OSBPL10: variants seen among roughly 807,000 people sequenced by gnomAD.
OSBPL10 encodes the protein oxysterol-binding protein-related protein 10.
In OSBPL10, 49 loss-of-function variants were observed where a neutral mutation model predicts 81.7. The observed-to-expected ratio is 0.60, with a 90% CI of 0.48 to 0.76. The LOEUF is 0.76. OSBPL10 is among the 30% of genes least tolerant of loss of function. The probability of loss-of-function intolerance (pLI) is 0.00; values close to 1 mark genes in which losing one functional copy is unlikely to be tolerated. For missense variants in OSBPL10, 923 were observed against 987.8 expected (o/e 0.93, Z 0.88); for synonymous variants, 419 against 383.6 (o/e 1.09, Z -1.08).
At chr3:31,932,290 C>T (rs1199116218) in intron 1 of OSBPL10, among the ~76,000 whole-genome samples, 5 of 152,176 alleles carry the variant, frequency 3.3e-5, no homozygotes, top group Admixed American at 2.0e-4. Context: ...CCACCCGCAT[C>T]TCCCAGTTTC....
rs190420030 is a variant in OSBPL10 at position 31,833,490 on chromosome 3, G to T, written c.538-3259C>A. Among the ~76,000 whole-genome samples, 256 of 152,252 alleles carry T rather than the reference G, an allele frequency of 1.7e-3. 1 individual carries two copies. Among genetic ancestry groups the T allele is most frequent in the African/African-American group, 6.0e-3 (249 of 41,548 alleles). Reference sequence around the variant, plus strand: ...TGCAGAAGCTGCATGGACAAAGTTTGTTTCTTAATATCACTGAAAACTTGA... The same window carrying T: ...TGCAGAAGCTGCATGGACAAAGTTTTTTTCTTAATATCACTGAAAACTTGA... On this transcript the variant is annotated intron_variant, in intron 3 of 11. Transcript: ENST00000396556.
At chr3:32,018,973 A>C (rs1699338738) in intron 2 of OSBPL10, among the ~76,000 whole-genome samples, 1 of 152,196 alleles carries the variant, frequency 6.6e-6, no homozygotes, top group Non-Finnish European at 1.5e-5. Flanking sequence ...GAAATGAGAA[A>C]AATGAAGAGG....
At chr3:31,665,918 A>G (rs1016090661) in intron 10 of OSBPL10, among the ~76,000 whole-genome samples, 1 of 152,306 alleles carries the variant, frequency 6.6e-6, no homozygotes, top group Non-Finnish European at 1.5e-5. Context: ...GCCCAAAACC[A>G]GAGACAGGGT....
At chr3:32,025,374 A>G (rs1699394017) in intron 2 of OSBPL10, among the ~76,000 whole-genome samples, 1 of 152,182 alleles carries the variant, frequency 6.6e-6, no homozygotes, top group African/African-American at 2.4e-5. Context: ...GTCATGGTAT[A>G]TGATCCTTTT....
At position 31,830,030 on chromosome 3, in the gene OSBPL10, C is replaced by T. The variant is rs200593585; in HGVS notation, c.729+10G>A. 6.2e-7 allele frequency: 1 copy of T among 1,608,532 alleles called. No homozygotes were observed. The highest frequency in any genetic ancestry group is 8.5e-7 in the Non-Finnish European group (1 of 1,177,930). On this transcript the variant is annotated intron_variant, in intron 4 of 11. Transcript: ENST00000396556. ...GGGGCTGCTTAACCTAGTAGGAGAG[C>T]AAAGCCTACCTCTCTGACTTCGTGA... is the stretch of plus-strand genomic sequence containing the variant.
intron 4 of OSBPL10, chr3:31,796,104 A>G (rs1326381349): frequency 5.8e-6 from 1 of 171,114 alleles, no homozygotes; most frequent in Non-Finnish European, 1.3e-5. Context: ...CAGTGCAAGG[A>G]ATGTGGTAAA....
At chr3:31,781,206 C>CA (rs1437947773) in intron 4 of OSBPL10, among the ~76,000 whole-genome samples, 2 of 152,064 alleles carry the variant, frequency 1.3e-5, no homozygotes, top group Non-Finnish European at 2.9e-5. Context: ...GAATTAAAAA[C>CA]AAAAATCACA....
chr3:32,076,577 A>G (rs751528744), intron 1 of OSBPL10, among the ~76,000 whole-genome samples: 27 of 151,988 alleles, frequency 1.8e-4, no homozygotes, highest in Non-Finnish European at 1.9e-4. Flanking sequence ...TAACTGTCCA[A>G]TGGGTTCATC....
chr3:32,073,166 T>G (rs894318071), intron 1 of OSBPL10, among the ~76,000 whole-genome samples: 2 of 152,174 alleles, frequency 1.3e-5, no homozygotes, highest in Non-Finnish European at 2.9e-5. Context: ...AACTTTTATA[T>G]GGATGCACTT....
At chr3:31,773,133 T>G (rs1344330482) in intron 4 of OSBPL10, among the ~76,000 whole-genome samples, 3 of 152,096 alleles carry the variant, frequency 2.0e-5, no homozygotes, top group African/African-American at 7.2e-5. Flanking sequence ...TTTCCCAAAG[T>G]TTCATATGCA....
intron 4 of OSBPL10, among the ~76,000 whole-genome samples, chr3:31,769,425 A>G (rs1324313088): frequency 7.1e-6 from 1 of 140,786 alleles, no homozygotes; most frequent in East Asian, 2.1e-4. Flanking sequence ...AGCCTGGGCA[A>G]CAAGAGCAAA....
intron 4 of OSBPL10, among the ~76,000 whole-genome samples, chr3:31,781,159 A>T (rs1308571966): frequency 6.6e-6 from 1 of 152,254 alleles, no homozygotes; most frequent in African/African-American, 2.4e-5. Flanking sequence ...ATGGTTTAAC[A>T]TATTTAAGTC....
At chr3:31,960,180 G>A (rs968981894) in intron 1 of OSBPL10, 1 of 152,122 alleles carries the variant, frequency 6.6e-6, no homozygotes, top group African/African-American at 2.4e-5. Context: ...CTCACAGTCT[G>A]GGAATCTGGC....
intron 4 of OSBPL10, among the ~76,000 whole-genome samples, chr3:31,762,087 G>A (rs13319335): frequency 6.6e-6 from 1 of 152,102 alleles, no homozygotes; most frequent in Non-Finnish European, 1.5e-5. Flanking sequence ...TAGTGCCAGA[G>A]AAAACAGGTC....
At chr3:31,719,912 G>A (rs1654406854) in intron 6 of OSBPL10, among the ~76,000 whole-genome samples, 1 of 151,746 alleles carries the variant, frequency 6.6e-6, no homozygotes, top group Non-Finnish European at 1.5e-5. Context: ...CTTTGTAGCT[G>A]TTCAAAAGAA....
chr3:31,662,474 G>GAAAGAA, intron 11 of OSBPL10: 1 of 1,038,810 alleles, frequency 9.6e-7, no homozygotes, highest in South Asian at 3.8e-5. Context: ...AAAGGCAAGG[G>GAAAGAA]TGTGCATACC....
At chr3:31,704,204 C>T (rs1379749404) in intron 6 of OSBPL10, 2 of 152,420 alleles carry the variant, frequency 1.3e-5, no homozygotes, top group South Asian at 2.1e-4. Flanking sequence ...GCCTGTCCTC[C>T]TGGCTCTCCT....
At chr3:31,729,491 G>A (rs1220830372) in intron 6 of OSBPL10, among the ~76,000 whole-genome samples, 8 of 152,052 alleles carry the variant, frequency 5.3e-5, no homozygotes, top group Non-Finnish European at 8.8e-5. Context: ...GCACAATCTC[G>A]GCTCACTGCA....
chr3:31,946,160 T>A (rs1697697214), intron 1 of OSBPL10, among the ~76,000 whole-genome samples: 1 of 152,038 alleles, frequency 6.6e-6, no homozygotes, highest in Admixed American at 6.6e-5. Context: ...TTTGTATTTT[T>A]AGTAGAGACA....
Sources: gnomAD v4.1 joint callset for allele counts (sites outside exome capture counted in the v4.1 genomes callset) on GRCh38, gnomAD v4.1.1 for gene constraint, MANE v1.5 for transcripts, NCBI Gene and HGNC (gene_info 2026-07-23, HGNC 2026-07-21) for gene names.